PCSK6: variants seen among roughly 807,000 people sequenced by gnomAD.
PCSK6 encodes paired basic amino acid cleaving enzyme 4.
In PCSK6, 85 loss-of-function variants were observed where a neutral mutation model predicts 123.3. The ratio of observed to expected loss-of-function variants is 0.69; its 90% CI spans 0.58 to 0.83. The LOEUF (loss-of-function observed/expected upper bound fraction) is 0.83. PCSK6 is among the 40% of genes least tolerant of loss of function. PCSK6 has a pLI of 0.00. For synonymous variants in PCSK6, 508 were observed against 516.0 expected (o/e 0.98, Z 0.21); for missense variants, 1,191 against 1,282.3 (o/e 0.93, Z 1.09).
intron 1 of PCSK6, among the ~76,000 whole-genome samples, chr15:101,485,337 T>C (rs981230966): frequency 6.6e-6 from 1 of 152,256 alleles, no homozygotes; most frequent in African/African-American, 2.4e-5. Flanking sequence ...ATCTGTGTAC[T>C]AATGTATTTG....
intron 13 of PCSK6, chr15:101,347,873 C>A: frequency 3.2e-6 from 3 of 943,004 alleles, no homozygotes; most frequent in South Asian, 1.3e-5. Flanking sequence ...CAGGAGGAAG[C>A]GCCCGGGGTT....
At chr15:101,410,273 C>T (rs572431315) in intron 6 of PCSK6, among the ~76,000 whole-genome samples, 6 of 152,262 alleles carry the variant, frequency 3.9e-5, no homozygotes, top group Non-Finnish European at 8.8e-5. Flanking sequence ...AAGGGCTTGC[C>T]ATGAAGCTCA....
At chr15:101,375,090 C>T (rs1170415537) in intron 11 of PCSK6, among the ~76,000 whole-genome samples, 3 of 151,998 alleles carry the variant, frequency 2.0e-5, no homozygotes, top group Admixed American at 1.3e-4. Flanking sequence ...GTAGCTGGGA[C>T]TACAGGCATG....
intron 1 of PCSK6, among the ~76,000 whole-genome samples, chr15:101,443,957 G>A (rs1472653738): frequency 6.6e-6 from 1 of 152,234 alleles, no homozygotes; most frequent in Non-Finnish European, 1.5e-5. Context: ...TCATGGCCAA[G>A]TTTTTTAGAC....
At chr15:101,353,765 C>T (rs1041199133) in intron 13 of PCSK6, among the ~76,000 whole-genome samples, 11 of 152,170 alleles carry the variant, frequency 7.2e-5, no homozygotes, top group Admixed American at 7.2e-4. Flanking sequence ...CTTGGAGAGG[C>T]GTGGAGACCT....
intron 20 of PCSK6, chr15:101,308,157 C>A (rs1259098186): frequency 6.6e-6 from 1 of 152,312 alleles, no homozygotes; most frequent in Non-Finnish European, 1.5e-5. Flanking sequence ...CGTTTCCCAT[C>A]CTGGGGCCGT....
rs375149019 is a variant in PCSK6, at chr15:101,312,731, T to C, written c.2699+645A>G. Among the ~76,000 whole-genome samples, 251 of 151,550 alleles carry C rather than the reference T, an allele frequency of 1.7e-3. 1 individual carries two copies. The highest frequency in any genetic ancestry group is 5.8e-3 in the African/African-American group (239 of 41,310). ...CCTGTAGTCCCAGCTACTCGGCAGG[T>C]TGAGGCAGGAGAATGGTGTGAATCT... On this transcript the variant is annotated intron_variant, in intron 20 of 21. Transcript: ENST00000611716.
chr15:101,478,725 T>C (rs1188055760), intron 1 of PCSK6, among the ~76,000 whole-genome samples: 1 of 152,202 alleles, frequency 6.6e-6, no homozygotes, highest in Non-Finnish European at 1.5e-5. Flanking sequence ...GCAGAGTCCC[T>C]GCAGGTGACA....
At chr15:101,466,602 C>A (rs763946549) in intron 1 of PCSK6, among the ~76,000 whole-genome samples, 6 of 152,184 alleles carry the variant, frequency 3.9e-5, no homozygotes, top group Non-Finnish European at 8.8e-5. Flanking sequence ...ACCTAAATGT[C>A]CATCGGTTGA....
intron 11 of PCSK6, among the ~76,000 whole-genome samples, chr15:101,381,008 C>T (rs1347407230): frequency 2.0e-5 from 3 of 152,018 alleles, no homozygotes; most frequent in Non-Finnish European, 4.4e-5. Context: ...CTGATTTCCT[C>T]TCCTAGTGGG....
At chr15:101,451,088 T>C (rs1175204451) in intron 1 of PCSK6, among the ~76,000 whole-genome samples, 1 of 151,546 alleles carries the variant, frequency 6.6e-6, no homozygotes, top group Admixed American at 6.6e-5. Flanking sequence ...CCCCATCATG[T>C]CGTTTCTTTA....
Position 101,439,375 on chromosome 15 carries a change from T to C in PCSK6, c.402+4181A>G, listed in dbSNP as rs1216196791. Among the ~76,000 whole-genome samples the C allele has an allele frequency of 3.3e-5, 5 of 152,332 alleles. No individual in the cohort carries two copies. The East Asian group carries it at 9.6e-4, about 29-fold the overall frequency. On this transcript the variant is annotated intron_variant, in intron 2 of 21. Transcript: ENST00000611716. ...TGTCTTTTAAGGTAAATTTACACAT[T>C]CAAACTTTTTACCAATTCCTAGCAG... is the stretch of plus-strand genomic sequence containing the variant.
chr15:101,444,708 G>A (rs2056841513), intron 1 of PCSK6, among the ~76,000 whole-genome samples: 1 of 152,008 alleles, frequency 6.6e-6, no homozygotes, highest in African/African-American at 2.4e-5. Context: ...TGTAAAATGG[G>A]GATAAAGGTA....
intron 1 of PCSK6, among the ~76,000 whole-genome samples, chr15:101,467,747 G>A (rs567856889): frequency 1.3e-5 from 2 of 152,332 alleles, no homozygotes; most frequent in African/African-American, 4.8e-5. Flanking sequence ...GTTAAACTGG[G>A]GGGAGAAAAG....
chr15:101,328,260 G>A (rs2040303247), intron 15 of PCSK6, among the ~76,000 whole-genome samples: 1 of 152,222 alleles, frequency 6.6e-6, no homozygotes, highest in African/African-American at 2.4e-5. Flanking sequence ...CAGCAGGTCT[G>A]TCTTGCTTGA....
intron 2 of PCSK6, among the ~76,000 whole-genome samples, chr15:101,434,737 C>T (rs1186851785): frequency 6.6e-6 from 1 of 152,190 alleles, no homozygotes; most frequent in African/African-American, 2.4e-5. Context: ...ACTGACCAGG[C>T]GTGGGGGCTT....
chr15:101,409,014 C>T (rs1394592893), intron 6 of PCSK6, among the ~76,000 whole-genome samples: 3 of 152,220 alleles, frequency 2.0e-5, no homozygotes, highest in East Asian at 3.9e-4. Flanking sequence ...AAAAGATGCA[C>T]CTATATCCGG....
At chr15:101,365,465 A>G in intron 13 of PCSK6, among the ~76,000 whole-genome samples, 1 of 152,202 alleles carries the variant, frequency 6.6e-6, no homozygotes, top group East Asian at 1.9e-4. Flanking sequence ...GCCGGAATGT[A>G]AAAGGGTGCA....
chr15:101,395,852 G>T (rs903560), intron 7 of PCSK6, among the ~76,000 whole-genome samples: 12 of 152,094 alleles, frequency 7.9e-5, no homozygotes, highest in African/African-American at 2.9e-4. Flanking sequence ...AATGTCTAAT[G>T]GTCCCTTCTG....
Sources: allele counts gnomAD v4.1 joint callset (sites outside exome capture counted in the v4.1 genomes callset), GRCh38; gene constraint gnomAD v4.1.1; transcripts MANE v1.5; gene names NCBI Gene and HGNC (gene_info 2026-07-23, HGNC 2026-07-21).